Variants in DGKI observed in about 807,000 individuals in gnomAD.
The protein encoded by DGKI is diacylglycerol kinase iota.
In DGKI, 55 loss-of-function variants were observed where a neutral mutation model predicts 147.5. The observed-to-expected ratio is 0.37, with a 90% CI of 0.30 to 0.47. DGKI has a LOEUF of 0.47. Ranked by LOEUF, DGKI falls within the 20% of genes least tolerant of loss-of-function variation. The pLI is 1.00. For synonymous variants in DGKI, 469 were observed against 477.1 expected, an observed-to-expected ratio of 0.98 and a Z score of 0.22; for missense variants, 1,007 against 1,323.8, an observed-to-expected ratio of 0.76 and a Z score of 3.71.
intron 1 of DGKI, among the ~76,000 whole-genome samples, chr7:137,736,714 C>T (rs1795034196): frequency 6.6e-6 from 1 of 151,954 alleles, no homozygotes; most frequent in Non-Finnish European, 1.5e-5. Flanking sequence ...CTGTGGGTTA[C>T]AAAAATAGCA....
At chr7:137,670,075 A>G (rs934906242) in intron 3 of DGKI, among the ~76,000 whole-genome samples, 8 of 152,212 alleles carry the variant, frequency 5.3e-5, no homozygotes, top group African/African-American at 1.7e-4. Flanking sequence ...ACCTATTTGC[A>G]TATTAAAGTC....
At chr7:137,752,788 G>A (rs1030547114) in intron 1 of DGKI, among the ~76,000 whole-genome samples, 1 of 152,158 alleles carries the variant, frequency 6.6e-6, no homozygotes, top group African/African-American at 2.4e-5. Flanking sequence ...GGTTTTTGGA[G>A]ATGTGAGTCT....
chr7:137,664,225 A>C (rs1372160256), intron 3 of DGKI, among the ~76,000 whole-genome samples: 1 of 151,974 alleles, frequency 6.6e-6, no homozygotes, highest in Non-Finnish European at 1.5e-5. Flanking sequence ...AAAAATACAA[A>C]AAATTAGCTG....
chr7:137,409,708 G>C (rs1049729372), intron 29 of DGKI, among the ~76,000 whole-genome samples: 2 of 152,200 alleles, frequency 1.3e-5, no homozygotes, highest in African/African-American at 4.8e-5. Flanking sequence ...CATGGGACCT[G>C]TTCAGGGTCA....
At chr7:137,755,892 T>A (rs956083290) in intron 1 of DGKI, among the ~76,000 whole-genome samples, 1 of 152,048 alleles carries the variant, frequency 6.6e-6, no homozygotes, top group African/African-American at 2.4e-5. Context: ...ACTCTGAAAA[T>A]TGAAAGAAAA....
intron 15 of DGKI, among the ~76,000 whole-genome samples, chr7:137,580,981 A>G (rs1355406711): frequency 6.6e-6 from 1 of 152,168 alleles, no homozygotes; most frequent in Non-Finnish European, 1.5e-5. Context: ...AGGTACAGAT[A>G]TAGATACAGG....
intron 3 of DGKI, among the ~76,000 whole-genome samples, chr7:137,676,194 A>C (rs916140642): frequency 7.9e-5 from 12 of 152,104 alleles, no homozygotes; most frequent in African/African-American, 2.9e-4. Flanking sequence ...GCAGCTGATG[A>C]TGAGCCTGCC....
chr7:137,831,176 A>T (rs1798206962), intron 1 of DGKI, among the ~76,000 whole-genome samples: 1 of 152,252 alleles, frequency 6.6e-6, no homozygotes, highest in African/African-American at 2.4e-5. Flanking sequence ...TCACAAGCAG[A>T]GGCTGCTGGG....
intron 1 of DGKI, among the ~76,000 whole-genome samples, chr7:137,707,571 G>C (rs1282254970): frequency 6.6e-6 from 1 of 152,174 alleles, no homozygotes; most frequent in East Asian, 1.9e-4. Context: ...TCATGACAGT[G>C]AGTTCTTGTG....
intron 20 of DGKI, among the ~76,000 whole-genome samples, chr7:137,549,004 C>T (rs13229274): frequency 0.39 from 59,443 of 151,978 alleles, 15,076 homozygotes; most frequent in Non-Finnish European, 0.57. Context: ...TATCCAGCCT[C>T]AGGTATTTCT....
intron 23 of DGKI, among the ~76,000 whole-genome samples, chr7:137,480,953 C>T (rs1815351239): frequency 6.6e-6 from 1 of 152,070 alleles, no homozygotes; most frequent in Non-Finnish European, 1.5e-5. Context: ...GTTCTCCATC[C>T]CTACCTTTTC....
intron 24 of DGKI, among the ~76,000 whole-genome samples, chr7:137,468,587 G>C (rs1261333281): frequency 2.0e-5 from 3 of 152,104 alleles, no homozygotes; most frequent in African/African-American, 7.2e-5. Flanking sequence ...AGATACAAGT[G>C]CCCATCTTCA....
intron 10 of DGKI, among the ~76,000 whole-genome samples, chr7:137,600,423 C>A (rs1819949329): frequency 1.3e-5 from 2 of 152,142 alleles, no homozygotes; most frequent in Admixed American, 1.3e-4. Context: ...TTCTTCATTT[C>A]ATTTAGCTCA....
intron 1 of DGKI, among the ~76,000 whole-genome samples, chr7:137,693,375 G>C (rs894911746): frequency 3.3e-5 from 5 of 152,110 alleles, no homozygotes; most frequent in Non-Finnish European, 5.9e-5. Context: ...CATAGGAGAT[G>C]GCTATAATCA....
chr7:137,487,734 T>C lies in DGKI; in HGVS notation c.2249-45A>G, dbSNP rs549462112. 306 of 1,547,800 alleles carry C rather than the reference T, an allele frequency of 2.0e-4. 3 individuals are homozygous for C. In the South Asian group the frequency reaches 3.2e-3, roughly 16 times the overall value. On this transcript the variant is annotated intron_variant, in intron 21 of 32. Coordinates refer to ENST00000614521, the MANE Select transcript of DGKI (RefSeq NM_001321708.2). ...AAAAATCTAAAATAACATATTTGAT[T>C]TTTCTATATCAGCATAAATGTGTTT...
intron 1 of DGKI, among the ~76,000 whole-genome samples, chr7:137,733,204 C>T (rs1267055748): frequency 6.6e-6 from 1 of 151,990 alleles, no homozygotes; most frequent in Non-Finnish European, 1.5e-5. Flanking sequence ...TTTCATCTTC[C>T]CCAAATGAAA....
At chr7:137,802,423 A>G (rs1273363267) in intron 1 of DGKI, among the ~76,000 whole-genome samples, 2 of 152,212 alleles carry the variant, frequency 1.3e-5, no homozygotes, top group African/African-American at 4.8e-5. Flanking sequence ...ATTCTTTTCC[A>G]GCTGCAAATT....
chr7:137,712,767 TAA>T (rs1794253728), intron 1 of DGKI, among the ~76,000 whole-genome samples: 1 of 152,234 alleles, frequency 6.6e-6, no homozygotes, highest in Non-Finnish European at 1.5e-5. Context: ...TATTTGAAAC[TAA>T]GTTTGATGGA....
At chr7:137,845,435 GGGTTACAAGAATGTTTTCACTGACCCC>G (rs1798682996) in intron 1 of DGKI, among the ~76,000 whole-genome samples, 1 of 152,310 alleles carries the variant, frequency 6.6e-6, no homozygotes, top group African/African-American at 2.4e-5. Flanking sequence ...AGAAAGAGTA[GGGTTACAAGAATGTTTTCACTGACCCC>G]TTTTCCAGAA....
Sources: allele counts gnomAD v4.1 joint callset (sites outside exome capture counted in the v4.1 genomes callset), GRCh38; gene constraint gnomAD v4.1.1; transcripts MANE v1.5; gene names NCBI Gene and HGNC (gene_info 2026-07-23, HGNC 2026-07-21).